Variants in SMYD3 observed in about 807,000 individuals in gnomAD.
SMYD3 encodes the protein histone-lysine N-methyltransferase SMYD3.
SMYD3 carries 36 observed loss-of-function variants against 57.7 expected under a neutral mutation model. That is an observed-to-expected ratio of 0.62 (90% CI 0.48 to 0.82). The LOEUF (loss-of-function observed/expected upper bound fraction) is 0.82, where lower values mean the gene tolerates loss of function less well. SMYD3 is among the 40% of genes least tolerant of loss of function. The pLI is 0.00. For synonymous variants in SMYD3, 211 were observed against 195.0 expected, an observed-to-expected ratio of 1.08 and a Z score of -0.68; for missense variants, 515 against 538.8, an observed-to-expected ratio of 0.96 and a Z score of 0.44.
intron 5 of SMYD3, among the ~76,000 whole-genome samples, chr1:246,159,439 A>G (rs1261436549): frequency 1.3e-5 from 2 of 152,076 alleles, no homozygotes; most frequent in Non-Finnish European, 2.9e-5. Context: ...CGCAAATAGT[A>G]CCTTCCCCAG....
intron 5 of SMYD3, among the ~76,000 whole-genome samples, chr1:246,210,704 A>G (rs2063071730): frequency 6.9e-6 from 1 of 144,592 alleles, no homozygotes; most frequent in African/African-American, 2.6e-5. Flanking sequence ...GGGCGAAACT[A>G]AAAAAAAAAA....
chr1:246,434,385 G>C (rs1220431919), intron 1 of SMYD3, among the ~76,000 whole-genome samples: 1 of 152,178 alleles, frequency 6.6e-6, no homozygotes, highest in African/African-American at 2.4e-5. Flanking sequence ...CACAAACTGT[G>C]AATTTGTCTA....
chr1:246,298,995 T>C (rs1234995831), intron 5 of SMYD3, among the ~76,000 whole-genome samples: 1 of 152,128 alleles, frequency 6.6e-6, no homozygotes, highest in Non-Finnish European at 1.5e-5. Context: ...GCAAGCAGTG[T>C]TCTTGTATAG....
chr1:245,825,910 G>A (rs2049457059), intron 10 of SMYD3, among the ~76,000 whole-genome samples: 2 of 148,412 alleles, frequency 1.3e-5, no homozygotes, highest in South Asian at 2.2e-4. Flanking sequence ...GTCACTCTAC[G>A]AAAACTCCAC....
intron 5 of SMYD3, among the ~76,000 whole-genome samples, chr1:245,936,070 C>T (rs1169688755): frequency 6.6e-6 from 1 of 152,148 alleles, no homozygotes; most frequent in Admixed American, 6.5e-5. Context: ...AAGGGATATG[C>T]TAAATTAGCT....
chr1:245,999,115 CAG>C (rs2058987409), intron 5 of SMYD3, among the ~76,000 whole-genome samples: 1 of 151,636 alleles, frequency 6.6e-6, no homozygotes, highest in Non-Finnish European at 1.5e-5. Context: ...ATTATACACT[CAG>C]AGATCATTCA....
chr1:246,145,836 T>C (rs1286063470), intron 5 of SMYD3, among the ~76,000 whole-genome samples: 4 of 152,202 alleles, frequency 2.6e-5, no homozygotes, highest in African/African-American at 9.6e-5. Flanking sequence ...ATTGAATTAG[T>C]GACAATCCAA....
chr1:246,190,260 T>C (rs977111519), intron 5 of SMYD3, among the ~76,000 whole-genome samples: 11 of 152,114 alleles, frequency 7.2e-5, no homozygotes, highest in Non-Finnish European at 1.5e-4. Flanking sequence ...ACACAGACCG[T>C]AGCGTATACT....
chr1:245,917,304 G>A lies in SMYD3; in HGVS notation c.703-1664C>T, dbSNP rs148944914. Among the ~76,000 whole-genome samples, 623 of 152,306 alleles carry A rather than the reference G, an allele frequency of 4.1e-3. 2 individuals are homozygous for A. The highest frequency in any genetic ancestry group is 6.3e-3 in the Non-Finnish European group (430 of 68,028). On this transcript the variant is annotated intron_variant, in intron 7 of 11. Coordinates refer to ENST00000490107, the MANE Select transcript of SMYD3 (RefSeq NM_001167740.2). ...TCCTTGACCTCCCATGGAATTACAG[G>A]CGTAAGCCACTGCACCCAGCCCTTC...
chr1:246,506,850 T>C (rs1478188003), intron 1 of SMYD3, among the ~76,000 whole-genome samples: 14 of 151,558 alleles, frequency 9.2e-5, no homozygotes, highest in African/African-American at 3.4e-4. Context: ...CCAGCCCCGC[T>C]GCGGCAACCT....
intron 5 of SMYD3, among the ~76,000 whole-genome samples, chr1:245,976,942 CCATCGTCTCTAGCCT>C (rs1336485790): frequency 2.0e-4 from 9 of 45,816 alleles, no homozygotes; most frequent in African/African-American, 5.3e-4. Flanking sequence ...CTAGGGAAAG[CCATCGTCTCTAGCCT>C]AGGGAAAGCC....
intron 10 of SMYD3, among the ~76,000 whole-genome samples, chr1:245,785,313 A>T (rs998395496): frequency 1.3e-5 from 2 of 151,980 alleles, no homozygotes; most frequent in African/African-American, 2.4e-5. Flanking sequence ...AGGAGCATTT[A>T]AAAAAAATCC....
intron 10 of SMYD3, among the ~76,000 whole-genome samples, chr1:245,841,649 T>A (rs1428632637): frequency 6.6e-6 from 1 of 152,220 alleles, no homozygotes; most frequent in Non-Finnish European, 1.5e-5. Context: ...ATAACATTTT[T>A]AAAGCATATA....
At position 245,930,407 on chromosome 1, in the gene SMYD3, G is replaced by A. The variant is rs78472379; in HGVS notation, c.532-470C>T. On this transcript the variant is annotated intron_variant, in intron 5 of 11. Transcript: ENST00000490107. Reference sequence around the variant, plus strand: ...ACTCCTACAGAAAGCGAAGTATCCCGTGACTGAGCCTGTCGTCTGATGCGT... The same window carrying A: ...ACTCCTACAGAAAGCGAAGTATCCCATGACTGAGCCTGTCGTCTGATGCGT... 51 of 334,732 alleles carry A rather than the reference G, an allele frequency of 1.5e-4. No homozygotes were observed. In the East Asian group the frequency reaches 3.1e-3, roughly 20 times the overall value. The allele number at this position is 334,732 out of a possible 1,614,324, so 20.7% of individuals were successfully genotyped here.
chr1:245,966,218 C>T (rs576725102), intron 5 of SMYD3, among the ~76,000 whole-genome samples: 160 of 152,254 alleles, frequency 1.1e-3, no homozygotes, highest in Admixed American at 0.01. Flanking sequence ...GTTGCCCAGC[C>T]TGAAGTACAG....
chr1:245,765,279 C>T (rs1055293654), intron 10 of SMYD3, among the ~76,000 whole-genome samples: 1 of 151,384 alleles, frequency 6.6e-6, no homozygotes. Context: ...TGCCTGTAGT[C>T]CCAGCTACCT....
chr1:246,454,239 T>G (rs1558472312), intron 1 of SMYD3, among the ~76,000 whole-genome samples: 1 of 152,158 alleles, frequency 6.6e-6, no homozygotes, highest in Non-Finnish European at 1.5e-5. Context: ...ACCGTCACCA[T>G]TAGCACCATA....
intron 1 of SMYD3, among the ~76,000 whole-genome samples, chr1:246,397,472 G>A (rs539295006): frequency 1.2e-4 from 18 of 152,142 alleles, no homozygotes; most frequent in African/African-American, 3.4e-4. Flanking sequence ...AACCATCTCC[G>A]AAGATAGGAG....
chr1:246,094,327 C>T (rs1235517638), intron 5 of SMYD3, among the ~76,000 whole-genome samples: 5 of 152,156 alleles, frequency 3.3e-5, no homozygotes, highest in Admixed American at 6.5e-5. Flanking sequence ...ACACCAACTC[C>T]GTGTGGGAAA....
Sources: allele counts gnomAD v4.1 joint callset (sites outside exome capture counted in the v4.1 genomes callset), GRCh38; gene constraint gnomAD v4.1.1; transcripts MANE v1.5; gene names NCBI Gene and HGNC (gene_info 2026-07-23, HGNC 2026-07-21).